CDH23: variants seen among roughly 807,000 people sequenced by gnomAD.
CDH23 encodes the protein cadherin-23.
In CDH23, 189 loss-of-function variants were observed where a neutral mutation model predicts 317.1. That is an observed-to-expected ratio of 0.60 (90% confidence interval 0.53 to 0.67). The LOEUF is 0.67. Ranked by LOEUF, CDH23 falls within the 30% of genes least tolerant of loss-of-function variation. The pLI is 0.00. For synonymous variants in CDH23, 1,839 were observed against 1,876.8 expected (o/e 0.98, Z 0.52); for missense variants, 4,401 against 4,592.4 (o/e 0.96, Z 1.20).
At chr10:71,677,364 T>C (rs1299217961) in intron 15 of CDH23, 92 bp from the exon 16 acceptor site, 19 of 958,880 alleles carry the variant, frequency 2.0e-5, no homozygotes, top group Non-Finnish European at 2.9e-5. Context: ...TTTGTCACTC[T>C]GGGCAAGGAC....
intron 1 of CDH23, among the ~76,000 whole-genome samples, chr10:71,420,045 G>A (rs1004418642): frequency 1.3e-5 from 2 of 152,134 alleles, no homozygotes; most frequent in African/African-American, 4.8e-5. Flanking sequence ...GGTTTATTGA[G>A]CCAATGAATT....
In CDH23 at chr10:71,490,068, C is replaced by T. The variant is rs372610098; in HGVS notation, c.146-20014C>T. On this transcript the variant is annotated intron_variant, in intron 3 of 69. Transcript: ENST00000224721. ...CCCCTATGCTGGGTGGGGCAAGATT[C>T]TGCCTTAGGCCTTTTCTCCTCTTTT... Among the ~76,000 whole-genome samples the T allele has an allele frequency of 2.4e-4, 36 of 152,130 alleles. 2 individuals are homozygous for T. In the South Asian group the frequency reaches 7.1e-3, roughly 30 times the overall value.
chr10:71,583,584 T>A (rs547598584), intron 9 of CDH23, among the ~76,000 whole-genome samples: 2 of 152,144 alleles, frequency 1.3e-5, no homozygotes, highest in East Asian at 1.9e-4. Context: ...GAGGTGCTGA[T>A]AGGACAAGTG....
At chr10:71,645,275 A>G (rs918061498) in intron 12 of CDH23, among the ~76,000 whole-genome samples, 6 of 152,270 alleles carry the variant, frequency 3.9e-5, no homozygotes, top group African/African-American at 1.4e-4. Context: ...CTGGCCATTC[A>G]CATTGCCACT....
intron 32 of CDH23, chr10:71,732,741 G>GTTTTTC: frequency 8.8e-7 from 1 of 1,137,728 alleles, no homozygotes; most frequent in Non-Finnish European, 1.1e-6. Context: ...GTATCCTTCT[G>GTTTTTC]TTTTTCCTTC....
In CDH23 at chr10:71,751,239, G is replaced by A; in HGVS notation, c.4845+9318G>A. 6.2e-7 allele frequency: 1 copy of A among 1,605,746 alleles called. No individual in the cohort carries two copies. The highest frequency in any genetic ancestry group is 8.5e-7 in the Non-Finnish European group (1 of 1,175,510). On this transcript the variant is annotated intron_variant, in intron 38 of 69. Coordinates refer to ENST00000224721, the MANE Select transcript of CDH23 (RefSeq NM_022124.6). This position sits in a 1 kb window ranked among gnomAD's most constrained non-coding sequence, Gnocchi z 4.9. Reference sequence around the variant, plus strand: ...CCAGACCCAGCCACAACAGCCCACTGTCCCCCAGCTGGGCTAGATGACCTC... The same window carrying A: ...CCAGACCCAGCCACAACAGCCCACTATCCCCCAGCTGGGCTAGATGACCTC...
chr10:71,789,128 C>A, intron 45 of CDH23, 86 bp downstream of exon 45: 1 of 723,790 alleles, frequency 1.4e-6, no homozygotes, highest in Non-Finnish European at 2.5e-6. Flanking sequence ...TTATGCCTAA[C>A]GGCATAGCTG....
chr10:71,400,673 C>T (rs1051100301), intron 1 of CDH23, among the ~76,000 whole-genome samples: 1 of 152,070 alleles, frequency 6.6e-6, no homozygotes, highest in East Asian at 1.9e-4. Flanking sequence ...GTGGTGGGCA[C>T]CTGTAATCCC....
At chr10:71,789,151 A>C (rs959948052) in intron 45 of CDH23, 109 bp downstream of exon 45, 2 of 641,202 alleles carry the variant, frequency 3.1e-6, no homozygotes, top group African/African-American at 3.6e-5. Flanking sequence ...CCTAGACCCC[A>C]GTGGGTGCGG....
chr10:71,719,896 G>A (rs1365770093), intron 28 of CDH23: 1 of 152,848 alleles, frequency 6.5e-6, no homozygotes, highest in Non-Finnish European at 1.5e-5. Flanking sequence ...AGAGGGAGAG[G>A]GGAGCTGTCC....
chr10:71,642,095 A>AAATAAT (rs71018218), intron 11 of CDH23, among the ~76,000 whole-genome samples: 77 of 150,604 alleles, frequency 5.1e-4, no homozygotes, highest in African/African-American at 1.7e-3. Context: ...GCTTCCATCT[A>AAATAAT]AATAATAATA....
intron 9 of CDH23, among the ~76,000 whole-genome samples, chr10:71,615,144 GGAAGGCTCTGAGCCT>G (rs1861111656): frequency 6.6e-6 from 1 of 152,138 alleles, no homozygotes; most frequent in South Asian, 2.1e-4. Flanking sequence ...CACTCCCTTT[GGAAGGCTCTGAGCCT>G]GAAGCCTGCT....
chr10:71,747,340 C>T (rs774250840), intron 38 of CDH23, among the ~76,000 whole-genome samples: 14 of 152,180 alleles, frequency 9.2e-5, no homozygotes, highest in South Asian at 2.1e-4. Context: ...TCAGCAGCAG[C>T]GTCTTCTGGA....
At chr10:71,491,851 G>A (rs895113870) in intron 3 of CDH23, among the ~76,000 whole-genome samples, 1 of 152,156 alleles carries the variant, frequency 6.6e-6, no homozygotes, top group African/African-American at 2.4e-5. Context: ...TGGGTCTAAG[G>A]CCCTGTTCAG....
intron 28 of CDH23, among the ~76,000 whole-genome samples, chr10:71,722,239 G>A (rs1432049014): frequency 3.9e-5 from 6 of 152,114 alleles, no homozygotes; most frequent in East Asian, 1.9e-4. Flanking sequence ...TCAGGAGTTC[G>A]AGACCAGCCT....
intron 14 of CDH23, among the ~76,000 whole-genome samples, chr10:71,669,034 C>A (rs545231035): frequency 2.0e-5 from 3 of 152,366 alleles, no homozygotes; most frequent in African/African-American, 7.2e-5. Flanking sequence ...AGGGAGCAGC[C>A]AGTCTCGGCT....
chr10:71,799,066 G>A, intron 50 of CDH23, 45 bp from the exon 51 acceptor site: 1 of 1,569,184 alleles, frequency 6.4e-7, no homozygotes, highest in Non-Finnish European at 8.7e-7. Flanking sequence ...GAGCTGCCAT[G>A]AATGAGGAGT....
intron 38 of CDH23, among the ~76,000 whole-genome samples, chr10:71,772,591 C>T (rs1001670715): frequency 6.6e-6 from 1 of 152,202 alleles, no homozygotes; most frequent in South Asian, 2.1e-4. Flanking sequence ...ATGGTGCTTC[C>T]CTGTGTGGGC....
chr10:71,744,668 G>A (rs548390629), intron 38 of CDH23, among the ~76,000 whole-genome samples: 56 of 152,260 alleles, frequency 3.7e-4, no homozygotes, highest in African/African-American at 8.9e-4. Flanking sequence ...CCAGCTCCCC[G>A]GTGAGAGCAG....
Sources: gnomAD v4.1 joint callset for allele counts (sites outside exome capture counted in the v4.1 genomes callset) on GRCh38, gnomAD v4.1.1 for gene constraint, Gnocchi (gnomAD v3.1) non-coding constraint, MANE v1.5 for transcripts, NCBI Gene and HGNC (gene_info 2026-07-23, HGNC 2026-07-21) for gene names.